The following AHCTF1 variants were observed in gnomAD, a reference collection of about 807,000 sequenced individuals.
AHCTF1 encodes protein ELYS.
Under a neutral mutation model 248.4 loss-of-function variants are expected in AHCTF1, and 24 were observed. The observed-to-expected ratio is 0.10, with a 90% CI of 0.07 to 0.14. The LOEUF is 0.14. Among genes scored for constraint, AHCTF1 ranks in the 10% least tolerant of loss-of-function variants. The pLI is 1.00. For missense variants in AHCTF1, 2,206 were observed against 2,636.2 expected (o/e 0.84, Z 3.57); for synonymous variants, 786 against 929.8 (o/e 0.85, Z 2.81).
In AHCTF1 at chr1:246,877,235, T is replaced by C. The variant is rs772094248; in HGVS notation, c.2728A>G (p.Lys910Glu). The change falls in exon 22 of 36, where the codon AAG becomes GAG. Residue 910 changes from lysine (K) to glutamate (E), a missense_variant. Coordinates refer to ENST00000648844, the MANE Select transcript of AHCTF1 (RefSeq NM_001323342.2). ...TCCTGACAGACTTCATACATGTGCT[T>C]CAGTAACTCCTCTATATTCAACCTA... is the stretch of plus-strand genomic sequence containing the variant. The part of the protein sequence containing the change: ...CNRLNIEELL[K>E]HMYEVCQEMG... 2.5e-6 allele frequency: 4 copies of C among 1,613,484 alleles called. No individual in the cohort carries two copies. Among genetic ancestry groups the C allele is most frequent in the Non-Finnish European group, 3.4e-6 (4 of 1,179,822 alleles).
intron 4 of AHCTF1, among the ~76,000 whole-genome samples, chr1:246,909,394 CAAAAAAAAAAAAA>C (rs55998210): frequency 3.2e-5 from 2 of 62,380 alleles, no homozygotes; most frequent in African/African-American, 6.7e-5. Context: ...TCCAGCCTCT[CAAAAAAAAAAAAA>C]AAAAAAAAAA....
At position 246,846,087 on chromosome 1, in the gene AHCTF1, T is replaced by C. The variant is rs542865078; in HGVS notation, c.6392-2159A>G. Among the ~76,000 whole-genome samples the C allele has an allele frequency of 1.1e-4, 17 of 149,268 alleles. No homozygotes were observed. The East Asian group carries it at 2.7e-3, about 24-fold the overall frequency. On this transcript the variant is annotated intron_variant, in intron 33 of 35. Transcript: ENST00000648844. ...GTTGAAGTGGGAATCAAACGATATATGAATGTCATGTATCTAGTATGGCCT... is the reference window on the plus strand; with the variant it reads ...GTTGAAGTGGGAATCAAACGATATACGAATGTCATGTATCTAGTATGGCCT...
At chr1:246,888,970 GGA>G (rs1400890474) in intron 17 of AHCTF1, among the ~76,000 whole-genome samples, 1 of 152,172 alleles carries the variant, frequency 6.6e-6, no homozygotes, top group African/African-American at 2.4e-5. Flanking sequence ...CAGACATCAA[GGA>G]GAGTTAGTCG....
chr1:246,924,311 CAAT>C (rs1312209864), intron 1 of AHCTF1, among the ~76,000 whole-genome samples: 2 of 152,110 alleles, frequency 1.3e-5, no homozygotes, highest in Non-Finnish European at 2.9e-5. Context: ...GCATTTCATA[CAAT>C]AATCTCTATG....
intron 1 of AHCTF1, among the ~76,000 whole-genome samples, chr1:246,930,749 A>G (rs1469503332): frequency 6.6e-6 from 1 of 152,148 alleles, no homozygotes; most frequent in Non-Finnish European, 1.5e-5. Context: ...TCTTTAGGAT[A>G]TTCTGAGAAT....
In AHCTF1 at chr1:246,921,321, C is replaced by G. The variant is rs1441674734; in HGVS notation, c.-7-2944G>C. ...CTCTGAAGTAGTGGTAATGTTCTTT[C>G]TCTAGAACTTGGTGCTGAGTACACA... On this transcript the variant is annotated intron_variant, in intron 1 of 35. Coordinates refer to ENST00000648844, the MANE Select transcript of AHCTF1 (RefSeq NM_001323342.2). Among the ~76,000 whole-genome samples the G allele has an allele frequency of 2.0e-5, 3 of 152,130 alleles. No homozygotes were observed. In the East Asian group the frequency reaches 5.8e-4, roughly 29 times the overall value.
rs559152757 is a variant in AHCTF1, at chr1:246,868,341, G to A, written c.3089-530C>T. Among the ~76,000 whole-genome samples, 166 of 143,638 alleles carry A rather than the reference G, an allele frequency of 1.2e-3. 1 individual carries two copies. The highest frequency in any genetic ancestry group is 4.6e-3 in the African/African-American group (154 of 33,634). 94.2% of individuals were successfully genotyped at this position (143,638 alleles called of 152,430 possible). On this transcript the variant is annotated intron_variant, in intron 24 of 35. Transcript: ENST00000648844. Reference sequence around the variant, plus strand: ...TCACCATGTTGGCCAGGCTGGTCTTGAACTCCTGACCTCATGTGATCCACC... The same window carrying A: ...TCACCATGTTGGCCAGGCTGGTCTTAAACTCCTGACCTCATGTGATCCACC...
chr1:246,920,176 A>G (rs1367420409), intron 1 of AHCTF1, among the ~76,000 whole-genome samples: 2 of 148,484 alleles, frequency 1.3e-5, no homozygotes, highest in Non-Finnish European at 3.0e-5. Flanking sequence ...AAAGAAAAGA[A>G]GCTCACAGTC....
In AHCTF1 at chr1:246,849,950, T is replaced by C. The variant is rs772118212; in HGVS notation, c.6056A>G (p.Asn2019Ser). 2 of 1,614,002 alleles carry C rather than the reference T, an allele frequency of 1.2e-6. No individual in the cohort carries two copies. The highest frequency in any genetic ancestry group is 2.7e-5 in the African/African-American group (2 of 75,058). Residue 2019 changes from asparagine (N) to serine (S), a missense_variant, in exon 33 of 36, where the codon AAT (asparagine) becomes AGT (serine). Coordinates refer to ENST00000648844, the MANE Select transcript of AHCTF1 (RefSeq NM_001323342.2). ...STRNTPAKSE[N>S]VDVGKPALGK... ...TAAAGCTGGTTTTCCAACATCAACA[T>C]TTTCACTTTTAGCTGGGGTATTTCT...
intron 29 of AHCTF1, 97 bp downstream of exon 29, chr1:246,860,794 ACAGTACCT>A: frequency 6.9e-7 from 1 of 1,447,780 alleles, no homozygotes; most frequent in South Asian, 1.4e-5. Flanking sequence ...AGCATGAGCC[ACAGTACCT>A]GGCTAGGATG....
intron 4 of AHCTF1, among the ~76,000 whole-genome samples, chr1:246,908,748 A>G (rs1665575216): frequency 6.8e-6 from 1 of 147,348 alleles, no homozygotes; most frequent in South Asian, 2.1e-4. Flanking sequence ...AAAAAAAATT[A>G]GCCGGGCATG....
chr1:246,868,871 G>GTC (rs1437447189), intron 24 of AHCTF1, among the ~76,000 whole-genome samples: 2 of 142,736 alleles, frequency 1.4e-5, no homozygotes, highest in African/African-American at 2.7e-5. Flanking sequence ...TTGAGATGGA[G>GTC]TCTCGCTCTG....
chr1:246,912,860 G>A (rs1665904061), intron 4 of AHCTF1, among the ~76,000 whole-genome samples: 1 of 152,088 alleles, frequency 6.6e-6, no homozygotes, highest in Admixed American at 6.6e-5. Context: ...CTACATTGCT[G>A]GGTAATTTCA....
chr1:246,867,429 GTT>G, intron 25 of AHCTF1, 78 bp from the exon 26 acceptor site: 1 of 1,018,476 alleles, frequency 9.8e-7, no homozygotes, highest in Non-Finnish European at 1.4e-6. Flanking sequence ...AGAACAGAGG[GTT>G]TTCATTCGTT....
rs1163986773 is a variant in AHCTF1, at chr1:246,905,561, A to G, written c.861T>C (p.Ala287=). 5 of 1,612,038 alleles carry G rather than the reference A, an allele frequency of 3.1e-6. No individual in the cohort carries two copies. Among genetic ancestry groups the G allele is most frequent in the Non-Finnish European group, 4.2e-6 (5 of 1,179,774 alleles). Residue 287 remains alanine (A), a synonymous_variant, in exon 6 of 36, where the codon GCT becomes GCC. Coordinates refer to ENST00000648844, the MANE Select transcript of AHCTF1 (RefSeq NM_001323342.2). ...CCTACCTATCTTGTGTAGACTGAAC[A>G]GCCCACAAGTAACAGCAATTCCGAG... ...NDPRNCCYLW[A]VQSTQDSEGD... is the part of the protein sequence containing the mutation.
chr1:246,895,738 T>C lies in AHCTF1; in HGVS notation c.1714+97A>G, dbSNP rs1027263167. The stretch of plus-strand genomic sequence containing the variant: ...TTAACAACTGCATGTGGATCTTCAA[T>C]TATATCAAAATTAAAATAACTAAGA... On this transcript the variant is annotated intron_variant, in intron 13 of 35. Transcript: ENST00000648844. 25 of 1,028,058 alleles carry C rather than the reference T, an allele frequency of 2.4e-5. No individual in the cohort carries two copies. In the African/African-American group the frequency reaches 3.8e-4, roughly 15 times the overall value. The allele number at this position is 1,028,058 out of a possible 1,614,324, so 63.7% of individuals were successfully genotyped here.
At chr1:246,868,949 A>G (rs1359179526) in intron 24 of AHCTF1, among the ~76,000 whole-genome samples, 14 of 148,172 alleles carry the variant, frequency 9.4e-5, no homozygotes, top group South Asian at 2.1e-4. Context: ...GGTTCACGCC[A>G]TTCTCCTGCC....
intron 1 of AHCTF1, among the ~76,000 whole-genome samples, chr1:246,924,015 A>G (rs982690794): frequency 1.3e-5 from 2 of 152,212 alleles, no homozygotes; most frequent in African/African-American, 2.4e-5. Flanking sequence ...CTGGCAAAAG[A>G]GAGATCCGAG....
In AHCTF1 at chr1:246,840,925, C is replaced by T. The variant is rs1445308150; in HGVS notation, c.6682G>A (p.Ala2228Thr). ...CTTGGTTTGCTCTTGACTCCGTCAG[C>T]TGGGCTAGCCAAGGGGGAAATCAGC... is the stretch of plus-strand genomic sequence containing the variant. ...IRLISPLASP[A>T]DGVKSKPRKT... Residue 2228 changes from alanine to threonine, a missense_variant, in exon 36 of 36, where the codon GCT becomes ACT. By Grantham distance (58) the Ala-to-Thr change is moderately conservative. Transcript: ENST00000648844. 6.2e-7 allele frequency: 1 copy of T among 1,612,838 alleles called. No individual in the cohort carries two copies. The highest frequency in any genetic ancestry group is 8.5e-7 in the Non-Finnish European group (1 of 1,179,496).
Sources: gnomAD v4.1 joint callset for allele counts (sites outside exome capture counted in the v4.1 genomes callset) on GRCh38, gnomAD v4.1.1 for gene constraint, MANE v1.5 for transcripts, NCBI Gene and HGNC (gene_info 2026-07-23, HGNC 2026-07-21) for gene names.